Variants in ADAP1 observed in about 807,000 individuals in gnomAD.
The protein encoded by ADAP1 is arf-GAP with dual PH domain-containing protein 1.
Under a neutral mutation model 54.9 loss-of-function variants are expected in ADAP1, and 31 were observed. The ratio of observed to expected loss-of-function variants is 0.56; its 90% CI spans 0.42 to 0.76. ADAP1 has a LOEUF of 0.76. Among genes scored for constraint, ADAP1 ranks in the 30% least tolerant of loss-of-function variants. The pLI, the probability that ADAP1 is intolerant of heterozygous loss-of-function variation, is 0.00. For synonymous variants in ADAP1, 313 were observed against 202.6 expected (o/e 1.55, Z -4.63); for missense variants, 535 against 512.4 (o/e 1.04, Z -0.42).
chr7:912,339 G>A (rs1268358190), intron 4 of ADAP1, among the ~76,000 whole-genome samples: 2 of 152,214 alleles, frequency 1.3e-5, no homozygotes, highest in Non-Finnish European at 2.9e-5. Flanking sequence ...CCGAGGCGGG[G>A]CCAGCCCGCG....
chr7:923,118 C>G (rs1167743794), intron 3 of ADAP1: 1 of 152,072 alleles, frequency 6.6e-6, no homozygotes, highest in African/African-American at 2.4e-5. Context: ...GGAGAGGCCT[C>G]GGGAGAAGCA....
At chr7:919,580 G>C (rs1846081699) in intron 4 of ADAP1, among the ~76,000 whole-genome samples, 1 of 147,496 alleles carries the variant, frequency 6.8e-6, no homozygotes, top group Non-Finnish European at 1.5e-5. Context: ...GGATGAGATA[G>C]ACGTGAAGAG....
intron 5 of ADAP1, 99 bp from the exon 6 acceptor site, chr7:904,371 G>A: frequency 1.4e-6 from 2 of 1,444,692 alleles, no homozygotes; most frequent in Middle Eastern, 4.3e-4. Context: ...CGCACCTGCT[G>A]TGCTGTGTGG....
At position 954,652 on chromosome 7, in the gene ADAP1, C is replaced by A; in HGVS notation, c.-175G>T. 4.1e-6 allele frequency: 4 copies of A among 982,712 alleles called. No individual in the cohort carries two copies. Among genetic ancestry groups the A allele is most frequent in the South Asian group, 4.6e-5 (1 of 21,772 alleles). The allele number at this position is 982,712 out of a possible 1,614,324, so 60.9% of individuals were successfully genotyped here. The stretch of plus-strand genomic sequence containing the variant: ...CCCTCTGGGCTCCGCCGCCGCCGCT[C>A]GTGTCTCCGCCGCGGTCGCTGAGCG... On this transcript the variant is annotated 5_prime_UTR_variant, in exon 1 of 11. Coordinates refer to ENST00000265846, the MANE Select transcript of ADAP1 (RefSeq NM_006869.4).
chr7:922,583 T>C (rs1583164699), intron 3 of ADAP1, among the ~76,000 whole-genome samples: 1 of 152,116 alleles, frequency 6.6e-6, no homozygotes, highest in African/African-American at 2.4e-5. Flanking sequence ...GGCACGTCCA[T>C]CCCTGAGGGT....
rs1325417637 is a variant in ADAP1, at chr7:926,987, G to T, written c.214-343C>A. ...GGTGTCCCGTGGGAGAGAGCTGGCT[G>T]CATCCTGTGACCCCCATCTCTGCCC... On this transcript the variant is annotated intron_variant, in intron 2 of 10. Coordinates refer to ENST00000265846, the MANE Select transcript of ADAP1 (RefSeq NM_006869.4). The surrounding 1 kb of genome is among the most constrained non-coding windows in gnomAD (Gnocchi z 4.6). The T allele has an allele frequency of 2.4e-6, 3 of 1,262,486 alleles. No homozygotes were observed. Among genetic ancestry groups the T allele is most frequent in the Non-Finnish European group, 3.1e-6 (3 of 978,478 alleles). 78.2% of individuals were successfully genotyped at this position (1,262,486 alleles called of 1,614,324 possible).
rs73254022 is a variant in ADAP1 at position 904,708 on chromosome 7, G to C, written c.501+352C>G. ...TTGCCAATGTGTTTGTCCTGTCCCA[G>C]TCCAGTCTCCCCAGGGTACCTCCAG... is the stretch of plus-strand genomic sequence containing the variant. On this transcript the variant is annotated intron_variant, in intron 5 of 10. Coordinates refer to ENST00000265846, the MANE Select transcript of ADAP1 (RefSeq NM_006869.4). 8.6e-3 allele frequency among the ~76,000 whole-genome samples: 1,306 copies of C among 152,338 alleles called. 24 individuals are homozygous for C. Among genetic ancestry groups the C allele is most frequent in the African/African-American group, 0.029 (1,216 of 41,572 alleles).
Position 926,360 on chromosome 7 carries a change from G to GTGCCCCCCA in ADAP1, c.305+192_305+193insTGGGGGGCA, listed in dbSNP as rs1562929261. Among the ~76,000 whole-genome samples the GTGCCCCCCA allele has an allele frequency of 2.7e-5, 4 of 150,344 alleles. No individual in the cohort carries two copies. Among genetic ancestry groups the GTGCCCCCCA allele is most frequent in the South Asian group, 2.1e-4 (1 of 4,762 alleles). On this transcript the variant is annotated intron_variant, in intron 3 of 10. Transcript: ENST00000265846. This position sits in a 1 kb window ranked among gnomAD's most constrained non-coding sequence, Gnocchi z 4.6. ...TCCCAGCCCCACCCCAGCGCCCCCC[G>GTGCCCCCCA]CCCCAGAACCAAAGCCCGGTGGTGG...
At chr7:918,248 G>T (rs915716869) in intron 4 of ADAP1, among the ~76,000 whole-genome samples, 1 of 152,150 alleles carries the variant, frequency 6.6e-6, no homozygotes, top group African/African-American at 2.4e-5. Context: ...ACAGAGTCTT[G>T]CTCTGTCACC....
At chr7:951,140 C>T (rs1167125109) in intron 1 of ADAP1, among the ~76,000 whole-genome samples, 3 of 151,964 alleles carry the variant, frequency 2.0e-5, no homozygotes, top group African/African-American at 4.8e-5. Flanking sequence ...TTTGGGAGGC[C>T]GAGGCGGGTG....
rs184864985 is a variant in ADAP1 at position 899,027 on chromosome 7, C to G, written c.1096+6G>C. 3.1e-6 allele frequency: 5 copies of G among 1,609,722 alleles called. No homozygotes were observed. The African/African-American group carries it at 5.3e-5, about 17-fold the overall frequency. Reference sequence around the variant, plus strand: ...TTCCAGGCCGCCGGCCGCCCGCCCCCCTCACCTGCGTACTCCTGGGGCAGC... The same window carrying G: ...TTCCAGGCCGCCGGCCGCCCGCCCCGCTCACCTGCGTACTCCTGGGGCAGC... On this transcript the variant is annotated splice_donor_region_variant and intron_variant, in intron 10 of 10. Coordinates refer to ENST00000265846, the MANE Select transcript of ADAP1 (RefSeq NM_006869.4).
At chr7:918,397 T>A (rs1334408647) in intron 4 of ADAP1, among the ~76,000 whole-genome samples, 5 of 152,142 alleles carry the variant, frequency 3.3e-5, no homozygotes, top group South Asian at 4.1e-4. Context: ...TTCTTTTTTT[T>A]AAAGGGAGGG....
At chr7:901,577 G>A (rs1844816374) in intron 6 of ADAP1, among the ~76,000 whole-genome samples, 1 of 152,140 alleles carries the variant, frequency 6.6e-6, no homozygotes, top group Non-Finnish European at 1.5e-5. Context: ...GTAGCCCCAG[G>A]CTCCTCCCAT....
chr7:922,691 G>A (rs554735832), intron 3 of ADAP1, among the ~76,000 whole-genome samples: 31 of 125,314 alleles, frequency 2.5e-4, no homozygotes, highest in African/African-American at 9.5e-4. Flanking sequence ...TGCCTCTTGC[G>A]AAAGTGACCC....
Position 920,854 on chromosome 7 carries a change from C to T in ADAP1, c.306-804G>A, listed in dbSNP as rs1245726118. On this transcript the variant is annotated intron_variant, in intron 3 of 10. Coordinates refer to ENST00000265846, the MANE Select transcript of ADAP1 (RefSeq NM_006869.4). The surrounding 1 kb of genome is among the most constrained non-coding windows in gnomAD (Gnocchi z 4.5). ...GCCCGGCACGGCCCAGGTGCACAGG[C>T]AGCCGCCCCAGCCTTTTCCACTCCC... The T allele has an allele frequency of 1.3e-6, 2 of 1,550,180 alleles. No individual in the cohort carries two copies. The highest frequency in any genetic ancestry group is 2.0e-5 in the Admixed American group (1 of 50,990).
chr7:948,124 G>C (rs114205530), intron 1 of ADAP1, among the ~76,000 whole-genome samples: 213 of 151,892 alleles, frequency 1.4e-3, no homozygotes, highest in African/African-American at 4.9e-3. Flanking sequence ...ATTCCAGCTG[G>C]GCCTTTCCCG....
chr7:950,093 G>C (rs1030605400), intron 1 of ADAP1, among the ~76,000 whole-genome samples: 13 of 152,232 alleles, frequency 8.5e-5, no homozygotes, highest in African/African-American at 2.9e-4. Context: ...CATCCACACA[G>C]GGTATGATCC....
chr7:954,398 G>A lies in ADAP1; in HGVS notation c.80C>T (p.Pro27Leu), dbSNP rs1346502856. ...GNARCADCGA[P>L]DPDWASYTLG... ...GCGCCCACCCGGCCCACACCTACCC[G>A]GGGCGCCGCAGTCCGCGCAGCGCGC... The change falls in exon 1 of 11, where the codon CCG becomes CTG. Residue 27 changes from proline to leucine, a missense_variant and splice_region_variant. Transcript: ENST00000265846. 5 of 1,093,954 alleles carry A rather than the reference G, an allele frequency of 4.6e-6. No individual in the cohort carries two copies. Among genetic ancestry groups the A allele is most frequent in the South Asian group, 4.3e-5 (2 of 46,146 alleles). The allele number at this position is 1,093,954 out of a possible 1,614,324, so 67.8% of individuals were successfully genotyped here. A position where few individuals can be genotyped will look rare whatever the true frequency, so the allele number is the denominator to read the frequency against.
At chr7:937,393 G>A (rs1381460752) in intron 1 of ADAP1, among the ~76,000 whole-genome samples, 1 of 30,166 alleles carries the variant, frequency 3.3e-5, no homozygotes, top group Non-Finnish European at 6.4e-5. Context: ...GGTCACGCCC[G>A]ACCTCTGGGA....
Sources: gnomAD v4.1 joint callset for allele counts (sites outside exome capture counted in the v4.1 genomes callset) on GRCh38, gnomAD v4.1.1 for gene constraint, Gnocchi (gnomAD v3.1) non-coding constraint, MANE v1.5 for transcripts, NCBI Gene and HGNC (gene_info 2026-07-23, HGNC 2026-07-21) for gene names.